LRRIQ3: variants seen among roughly 807,000 people sequenced by gnomAD.
The protein encoded by LRRIQ3 is leucine rich repeats and IQ motif containing 3, also known as leucine-rich repeat and IQ domain-containing protein 3.
LRRIQ3 carries 75 observed loss-of-function variants against 59.3 expected under a neutral mutation model. That is an observed-to-expected ratio of 1.26 (90% CI 1.05 to 1.53). The LOEUF is 1.53. Ranked by LOEUF, LRRIQ3 falls within the 40% of genes most tolerant of loss-of-function variation. The pLI is 0.00. For missense variants in LRRIQ3, 831 were observed against 710.0 expected (o/e 1.17, Z -1.94); for synonymous variants, 250 against 231.3 (o/e 1.08, Z -0.73).
chr1:74,108,731 A>T (rs539024656), intron 5 of LRRIQ3, among the ~76,000 whole-genome samples: 1 of 151,898 alleles, frequency 6.6e-6, no homozygotes, highest in East Asian at 1.9e-4. Flanking sequence ...TTAGTGTCCA[A>T]ATCAAAATAA....
chr1:74,030,023 G>A (rs969032588), intron 7 of LRRIQ3, among the ~76,000 whole-genome samples: 22 of 152,058 alleles, frequency 1.4e-4, no homozygotes, highest in Admixed American at 3.3e-4. Context: ...ATTCACAATC[G>A]TTTCAAAGAG....
At position 74,198,008 on chromosome 1, in the gene LRRIQ3, G is replaced by C. The variant is rs555856424; in HGVS notation, c.-13C>G. 4.2e-5 allele frequency: 24 copies of C among 569,992 alleles called. No individual in the cohort carries two copies. The highest frequency in any genetic ancestry group is 3.1e-4 in the Admixed American group (9 of 28,916). 35.3% of individuals were successfully genotyped at this position (569,992 alleles called of 1,614,324 possible). ...CTGAACCACTCACCGGGTCAACTGG[G>C]CTGCAAGCCCTTATGAGTTGGAGAC... On this transcript the variant is annotated 5_prime_UTR_variant, in exon 1 of 8. Coordinates refer to ENST00000354431, the MANE Select transcript of LRRIQ3 (RefSeq NM_001105659.2).
In LRRIQ3 at chr1:74,041,935, T is replaced by C; in HGVS notation, c.998-2A>G. 5 of 1,582,248 alleles carry C rather than the reference T, an allele frequency of 3.2e-6. No homozygotes were observed. The highest frequency in any genetic ancestry group is 3.4e-6 in the Non-Finnish European group (4 of 1,166,426). ...CAATTTCATCTTCAGACTCCTGACC[T>C]ACATCAAACAGAAGCAAATATTATA... is the stretch of plus-strand genomic sequence containing the variant. On this transcript the variant is annotated splice_acceptor_variant, in intron 6 of 7. Coordinates refer to ENST00000354431, the MANE Select transcript of LRRIQ3 (RefSeq NM_001105659.2). LOFTEE classifies it high-confidence loss of function.
At chr1:74,077,455 C>T (rs1322747185) in intron 5 of LRRIQ3, among the ~76,000 whole-genome samples, 2 of 151,358 alleles carry the variant, frequency 1.3e-5, no homozygotes, top group Admixed American at 6.6e-5. Flanking sequence ...AAACAAGAAC[C>T]CCCCCCAAAA....
chr1:74,194,385 T>C (rs1650962375), intron 1 of LRRIQ3, among the ~76,000 whole-genome samples: 1 of 152,194 alleles, frequency 6.6e-6, no homozygotes, highest in Admixed American at 6.5e-5. Context: ...ATAAATAACC[T>C]TGGTAGCACA....
intron 3 of LRRIQ3, among the ~76,000 whole-genome samples, chr1:74,174,064 C>G (rs1649489940): frequency 1.3e-5 from 2 of 152,024 alleles, no homozygotes; most frequent in African/African-American, 4.8e-5. Flanking sequence ...TTTCTTTCTC[C>G]AGATTTGTGA....
At chr1:74,173,294 C>CA (rs71078187) in intron 3 of LRRIQ3, among the ~76,000 whole-genome samples, 39,007 of 117,156 alleles carry the variant, frequency 0.33, 7,175 homozygotes, top group East Asian at 0.71. Flanking sequence ...GAGTCCATCT[C>CA]AAAAAAAAAA....
intron 6 of LRRIQ3, among the ~76,000 whole-genome samples, chr1:74,057,386 C>T (rs1654568642): frequency 6.6e-6 from 1 of 151,960 alleles, no homozygotes; most frequent in Admixed American, 6.6e-5. Context: ...ATGGTACTGG[C>T]ATAAATGGAG....
chr1:74,111,190 T>C lies in LRRIQ3; in HGVS notation c.708-1637A>G, dbSNP rs12131685. On this transcript the variant is annotated intron_variant, in intron 4 of 7. Transcript: ENST00000354431. ...AGTAGTCTTCTGCAAATGCTCAATA[T>C]GTGCCCTGTGAAGAGAAAAAAAAAA... Among the ~76,000 whole-genome samples the C allele has an allele frequency of 8.6e-3, 1,311 of 151,942 alleles. 11 individuals carry two copies. The highest frequency in any genetic ancestry group is 0.014 in the Non-Finnish European group (920 of 67,952).
At chr1:74,189,461 A>G (rs542515895) in intron 1 of LRRIQ3, among the ~76,000 whole-genome samples, 17 of 152,232 alleles carry the variant, frequency 1.1e-4, no homozygotes, top group Non-Finnish European at 1.8e-4. Flanking sequence ...CTTATCTGTA[A>G]AAAGAAGATA....
intron 5 of LRRIQ3, among the ~76,000 whole-genome samples, chr1:74,080,616 T>TA (rs1375850535): frequency 2.6e-5 from 4 of 151,722 alleles, no homozygotes; most frequent in Admixed American, 1.3e-4. Context: ...GTTAGAGCTC[T>TA]AAAAAATTGT....
intron 5 of LRRIQ3, among the ~76,000 whole-genome samples, chr1:74,076,992 T>C (rs998346044): frequency 6.6e-6 from 1 of 152,078 alleles, no homozygotes; most frequent in Non-Finnish European, 1.5e-5. Context: ...ATAATTAAAA[T>C]TTAAGAAGTC....
At chr1:74,124,674 T>A (rs1010078759) in intron 4 of LRRIQ3, among the ~76,000 whole-genome samples, 9 of 152,114 alleles carry the variant, frequency 5.9e-5, no homozygotes, top group South Asian at 2.1e-4. Context: ...ACTGTAGATA[T>A]ATAGATTTGG....
At chr1:74,133,194 T>A (rs1412942735) in intron 4 of LRRIQ3, among the ~76,000 whole-genome samples, 1 of 152,032 alleles carries the variant, frequency 6.6e-6, no homozygotes, top group Admixed American at 6.6e-5. Context: ...ATGGCAATCA[T>A]TAAAAAGTCA....
chr1:74,110,984 C>CA (rs1173468434), intron 4 of LRRIQ3, among the ~76,000 whole-genome samples: 4 of 151,946 alleles, frequency 2.6e-5, no homozygotes, highest in African/African-American at 9.7e-5. Flanking sequence ...AAAGGGGGAG[C>CA]AATAACAATT....
intron 6 of LRRIQ3, among the ~76,000 whole-genome samples, chr1:74,065,987 G>A (rs1654854057): frequency 6.6e-6 from 1 of 152,024 alleles, no homozygotes; most frequent in Admixed American, 6.6e-5. Context: ...AGGAGTTTGA[G>A]ACCAACCTGA....
chr1:74,138,441 T>A (rs1205026979), intron 4 of LRRIQ3: 1 of 977,396 alleles, frequency 1.0e-6, no homozygotes, highest in East Asian at 1.1e-4. Context: ...CTTACATACT[T>A]ACTTTTTGGT....
chr1:74,084,344 C>T (rs1646304735), intron 5 of LRRIQ3: 1 of 821,676 alleles, frequency 1.2e-6, no homozygotes, highest in Non-Finnish European at 1.8e-6. Context: ...TCAAGATTTG[C>T]TTTTAGGTGC....
At chr1:74,165,920 C>T (rs1648954989) in intron 3 of LRRIQ3, among the ~76,000 whole-genome samples, 1 of 151,498 alleles carries the variant, frequency 6.6e-6, no homozygotes, top group Non-Finnish European at 1.5e-5. Context: ...CTTGGTCCCA[C>T]TTGATCATAG....
Sources: allele counts gnomAD v4.1 joint callset (sites outside exome capture counted in the v4.1 genomes callset), GRCh38; gene constraint gnomAD v4.1.1; transcripts MANE v1.5; gene names NCBI Gene and HGNC (gene_info 2026-07-23, HGNC 2026-07-21).